Variants in TJP1 observed in about 807,000 individuals in gnomAD.
TJP1 encodes the protein tight junction protein 1.
TJP1 carries 43 observed loss-of-function variants against 194.2 expected under a neutral mutation model. That is an observed-to-expected ratio of 0.22 (90% CI 0.17 to 0.29). The LOEUF is 0.29. Ranked by LOEUF, TJP1 falls within the 10% of genes least tolerant of loss-of-function variation. The pLI is 1.00. For synonymous variants in TJP1, 801 were observed against 779.0 expected, an observed-to-expected ratio of 1.03 and a Z score of -0.47; for missense variants, 1,971 against 2,185.7, an observed-to-expected ratio of 0.90 and a Z score of 1.96.
At chr15:29,760,325 T>G (rs2045918813) in intron 8 of TJP1, 1 of 698,196 alleles carries the variant, frequency 1.4e-6, no homozygotes, top group Admixed American at 2.0e-5. Context: ...AAAGATAAAC[T>G]CAGGTAGGTC....
At chr15:29,919,053 G>A (rs1052423723) in intron 2 of TJP1, among the ~76,000 whole-genome samples, 1 of 152,152 alleles carries the variant, frequency 6.6e-6, no homozygotes, top group Non-Finnish European at 1.5e-5. Context: ...GAATAAAGAC[G>A]CTAAAACCTT....
At chr15:29,894,450 T>C (rs1411872800) in intron 2 of TJP1, among the ~76,000 whole-genome samples, 1 of 152,092 alleles carries the variant, frequency 6.6e-6, no homozygotes, top group Non-Finnish European at 1.5e-5. Flanking sequence ...CAGAGCAAGA[T>C]TCTGTCTCAA....
At chr15:29,867,981 A>G (rs958315272) in intron 2 of TJP1, among the ~76,000 whole-genome samples, 3 of 150,556 alleles carry the variant, frequency 2.0e-5, no homozygotes, top group South Asian at 2.1e-4. Context: ...GCTTGAGCTC[A>G]GGAGGCAGAG....
At chr15:29,847,975 T>C (rs546203766) in intron 2 of TJP1, among the ~76,000 whole-genome samples, 1 of 152,322 alleles carries the variant, frequency 6.6e-6, no homozygotes, top group South Asian at 2.1e-4. Context: ...CCATTGATTA[T>C]TTAGAAGTGT....
rs1037396329 is a variant in TJP1 at position 29,710,856 on chromosome 15, T to C, written c.4347A>G (p.Ile1449Met). The change falls in exon 24 of 28, where the codon ATA becomes ATG. Residue 1449 changes from isoleucine to methionine, a missense_variant. Ile to Met is a conservative substitution (Grantham distance 10). Coordinates refer to ENST00000614355, the MANE Select transcript of TJP1 (RefSeq NM_001330239.4). ...SQPVTSASLH[I>M]HSKGAHGEGN... The stretch of plus-strand genomic sequence containing the variant: ...CTTCACCATGTGCTCCCTTAGAATG[T>C]ATGTGGAGAGACGCGCTGGTGACAG... 1.4e-5 allele frequency: 22 copies of C among 1,614,050 alleles called. 1 individual carries two copies. In the Middle Eastern group the frequency reaches 6.7e-4, roughly 49 times the overall value.
At chr15:29,967,787 A>C (rs943327793) in intron 1 of TJP1, among the ~76,000 whole-genome samples, 1 of 152,214 alleles carries the variant, frequency 6.6e-6, no homozygotes, top group African/African-American at 2.4e-5. Flanking sequence ...CTTAGGATTA[A>C]ATTAGACTGT....
At chr15:29,781,042 G>A (rs990482031) in intron 2 of TJP1, among the ~76,000 whole-genome samples, 9 of 151,718 alleles carry the variant, frequency 5.9e-5, no homozygotes, top group Non-Finnish European at 1.3e-4. Context: ...AAAGACCAAC[G>A]AATTCAGGAA....
At chr15:29,737,096 A>G (rs1476634729) in intron 11 of TJP1, among the ~76,000 whole-genome samples, 168 bp downstream of exon 11, 1 of 152,234 alleles carries the variant, frequency 6.6e-6, no homozygotes, top group Non-Finnish European at 1.5e-5. Flanking sequence ...GGAAGTGAGA[A>G]GTCCAGCATA....
chr15:29,887,374 C>T (rs1567167394), intron 2 of TJP1, among the ~76,000 whole-genome samples: 1 of 151,452 alleles, frequency 6.6e-6, no homozygotes, highest in Non-Finnish European at 1.5e-5. Context: ...AATCTCGGCT[C>T]ACTGCAACCT....
intron 2 of TJP1, among the ~76,000 whole-genome samples, chr15:29,790,604 C>T (rs1158862659): frequency 1.3e-5 from 2 of 152,114 alleles, no homozygotes; most frequent in Non-Finnish European, 1.5e-5. Flanking sequence ...ACGATAGTTG[C>T]CCTATTGTGC....
At position 29,909,218 on chromosome 15, in the gene TJP1, G is replaced by A. The variant is rs1035206540; in HGVS notation, c.306+47014C>T. Among the ~76,000 whole-genome samples the A allele has an allele frequency of 7.3e-5, 11 of 150,728 alleles. 1 individual carries two copies. The highest frequency in any genetic ancestry group is 2.7e-4 in the African/African-American group (11 of 41,098). ...CTGGGCGTGGTGGTGCACACTTGTA[G>A]TCCCAGCTACTTGGGAGGCTAAGGC... On this transcript the variant is annotated intron_variant, in intron 2 of 28. Transcript: ENST00000356107.
intron 2 of TJP1, among the ~76,000 whole-genome samples, chr15:29,784,782 T>C (rs928437607): frequency 6.6e-5 from 10 of 152,338 alleles, no homozygotes; most frequent in Admixed American, 6.5e-4. Flanking sequence ...ATCACATATA[T>C]ACTGTACTTA....
rs536800773 is a variant in TJP1 at position 29,701,270 on chromosome 15, C to T, written c.*325G>A. The T allele has an allele frequency of 1.2e-5, 3 of 247,086 alleles. No individual in the cohort carries two copies. The South Asian group carries it at 2.9e-4, about 24-fold the overall frequency. 15.3% of individuals were successfully genotyped at this position (247,086 alleles called of 1,614,324 possible). A position where few individuals can be genotyped will look rare whatever the true frequency, so the allele number is the denominator to read the frequency against. On this transcript the variant is annotated 3_prime_UTR_variant, in exon 28 of 28. Transcript: ENST00000614355. ...GGAAAGAACAGACCTCAAATGCACC[C>T]CCATTTACTGGCTGGTATTTTAACG...
chr15:29,760,010 C>T (rs1276846255), intron 8 of TJP1: 6 of 508,432 alleles, frequency 1.2e-5, no homozygotes, highest in Middle Eastern at 4.6e-4. Flanking sequence ...TGTGCTAGTT[C>T]GTTCTGGTTT....
rs2048152739 is a variant in TJP1 at position 29,792,369 on chromosome 15, A to G, written c.84+8277T>C. Among the ~76,000 whole-genome samples, 7 of 152,102 alleles carry G rather than the reference A, an allele frequency of 4.6e-5. No homozygotes were observed. The South Asian group carries it at 1.5e-3, about 32-fold the overall frequency. On this transcript the variant is annotated intron_variant, in intron 2 of 27. Transcript: ENST00000614355. Reference sequence around the variant, plus strand: ...TTTATTGCAGACTGTCCTTTCCCCAATGTTCTTAGTGGCTTTGTTGAAAAT... The same window carrying G: ...TTTATTGCAGACTGTCCTTTCCCCAGTGTTCTTAGTGGCTTTGTTGAAAAT...
chr15:29,704,321 G>T lies in TJP1; in HGVS notation c.5069-16C>A. On this transcript the variant is annotated splice_polypyrimidine_tract_variant and intron_variant, in intron 26 of 27. Coordinates refer to ENST00000614355, the MANE Select transcript of TJP1 (RefSeq NM_001330239.4). ...AGTGTTTCACCTGGAGTTGGAAAAGGGGATAGGCAGAGAGGATGGATGTGG... is the reference window on the plus strand; with the variant it reads ...AGTGTTTCACCTGGAGTTGGAAAAGTGGATAGGCAGAGAGGATGGATGTGG... 1 of 1,577,362 alleles carries T rather than the reference G, an allele frequency of 6.3e-7. No individual in the cohort carries two copies.
rs958972026 is a variant in TJP1 at position 29,722,264 on chromosome 15, A to C, written c.2413-1556T>G. On this transcript the variant is annotated intron_variant, in intron 18 of 27. Transcript: ENST00000614355. ...CCTCCCATCACAAGCCTGGAGGCCT[A>C]GGAGGGAAAAAATGGTTTTGTGGGT... is the stretch of plus-strand genomic sequence containing the variant. 2.0e-5 allele frequency among the ~76,000 whole-genome samples: 3 copies of C among 152,308 alleles called. No homozygotes were observed. In the East Asian group the frequency reaches 5.8e-4, roughly 30 times the overall value.
chr15:29,943,875 C>A (rs1051086225), intron 2 of TJP1, among the ~76,000 whole-genome samples: 2 of 150,172 alleles, frequency 1.3e-5, no homozygotes, highest in East Asian at 2.0e-4. Context: ...TTGAACCCAG[C>A]AGGCAGAGGT....
At chr15:29,780,479 G>A (rs917382485) in intron 2 of TJP1, among the ~76,000 whole-genome samples, 2 of 152,092 alleles carry the variant, frequency 1.3e-5, no homozygotes, top group South Asian at 2.1e-4. Flanking sequence ...GCACATACAG[G>A]TGAAGCTTTG....
Sources: gnomAD v4.1 joint callset for allele counts (sites outside exome capture counted in the v4.1 genomes callset) on GRCh38, gnomAD v4.1.1 for gene constraint, MANE v1.5 for transcripts, NCBI Gene and HGNC (gene_info 2026-07-23, HGNC 2026-07-21) for gene names.